Variants in SGCZ observed in about 807,000 individuals in gnomAD.
SGCZ encodes the protein zeta-sarcoglycan.
A neutral mutation model predicts 41.3 loss-of-function variants in SGCZ; 40 were observed. The ratio of observed to expected loss-of-function variants is 0.97; its 90% CI spans 0.75 to 1.26. The LOEUF is 1.26. SGCZ is among the 50% of genes most tolerant of loss of function. The pLI, the probability that SGCZ is intolerant of heterozygous loss-of-function variation, is 0.00. For synonymous variants in SGCZ, 206 were observed against 137.5 expected (o/e 1.50, Z -3.49); for missense variants, 552 against 369.8 (o/e 1.49, Z -4.04).
intron 1 of SGCZ, among the ~76,000 whole-genome samples, chr8:15,130,407 G>A (rs968781170): frequency 2.0e-5 from 3 of 152,158 alleles, no homozygotes; most frequent in Non-Finnish European, 4.4e-5. Context: ...AAAAAGAAAT[G>A]CAAATGAGAA....
At chr8:15,140,489 G>A (rs912342343) in intron 1 of SGCZ, among the ~76,000 whole-genome samples, 6 of 151,954 alleles carry the variant, frequency 3.9e-5, no homozygotes, top group Admixed American at 2.0e-4. Context: ...ACCCTCTTGA[G>A]GATGGAGATA....
intron 1 of SGCZ, among the ~76,000 whole-genome samples, chr8:14,588,242 G>A (rs1805125042): frequency 6.6e-6 from 1 of 150,550 alleles, no homozygotes; most frequent in African/African-American, 2.4e-5. Flanking sequence ...AAAAGTCCCA[G>A]TCTGTCTTTA....
intron 2 of SGCZ, among the ~76,000 whole-genome samples, chr8:14,421,997 T>C (rs1485488157): frequency 6.6e-6 from 1 of 152,114 alleles, no homozygotes; most frequent in Non-Finnish European, 1.5e-5. Context: ...TTTTTTATAT[T>C]AGCGAAGTCT....
chr8:14,362,496 A>C (rs547740835), intron 2 of SGCZ, among the ~76,000 whole-genome samples: 3,108 of 152,298 alleles, frequency 0.02, 89 homozygotes, highest in African/African-American at 0.058. Context: ...GTGGGACCCA[A>C]AAGCCAGGCA....
intron 2 of SGCZ, among the ~76,000 whole-genome samples, chr8:14,514,058 G>T (rs111777306): frequency 5.9e-5 from 9 of 152,058 alleles, no homozygotes; most frequent in African/African-American, 1.7e-4. Flanking sequence ...CACTGTAGGA[G>T]TTGCATTGGT....
chr8:14,837,505 C>T (rs183990153), intron 1 of SGCZ, among the ~76,000 whole-genome samples: 2 of 152,092 alleles, frequency 1.3e-5, no homozygotes, highest in Non-Finnish European at 2.9e-5. Flanking sequence ...TCCCAACTCC[C>T]GTTGCATCAG....
intron 1 of SGCZ, among the ~76,000 whole-genome samples, chr8:14,775,796 T>C (rs1484140539): frequency 5.3e-5 from 8 of 152,224 alleles, no homozygotes; most frequent in Non-Finnish European, 1.2e-4. Context: ...TATTGAGTTT[T>C]ATTTGGATTG....
intron 2 of SGCZ, among the ~76,000 whole-genome samples, chr8:14,329,722 C>G (rs892421924): frequency 2.6e-5 from 4 of 152,132 alleles, no homozygotes; most frequent in Non-Finnish European, 5.9e-5. Flanking sequence ...TATTATAAAA[C>G]AGACTCTTCC....
intron 3 of SGCZ, among the ~76,000 whole-genome samples, chr8:14,292,794 C>T (rs1217831754): frequency 1.3e-5 from 2 of 151,376 alleles, no homozygotes; most frequent in Non-Finnish European, 2.9e-5. Context: ...CTAGGCTTTT[C>T]TGAGAATTAC....
intron 1 of SGCZ, among the ~76,000 whole-genome samples, chr8:14,642,496 T>C (rs183147679): frequency 2.1e-3 from 324 of 151,418 alleles, no homozygotes; most frequent in African/African-American, 7.6e-3. Flanking sequence ...TAAGTTACAA[T>C]ATGTAAGGTA....
intron 2 of SGCZ, among the ~76,000 whole-genome samples, chr8:14,518,330 G>T (rs1488571746): frequency 6.6e-6 from 1 of 151,928 alleles, no homozygotes; most frequent in Admixed American, 6.6e-5. Flanking sequence ...ATCTTACATT[G>T]TATGCTAGTG....
At chr8:14,242,970 C>G (rs1798944095) in intron 3 of SGCZ, among the ~76,000 whole-genome samples, 1 of 152,216 alleles carries the variant, frequency 6.6e-6, no homozygotes, top group Non-Finnish European at 1.5e-5. Context: ...CACACAAACA[C>G]ATAAAGCTTA....
At chr8:14,920,998 A>C (rs1304600126) in intron 1 of SGCZ, among the ~76,000 whole-genome samples, 1 of 152,196 alleles carries the variant, frequency 6.6e-6, no homozygotes, top group African/African-American at 2.4e-5. Context: ...ACCCAAGATC[A>C]CAGTAGTGTA....
intron 1 of SGCZ, among the ~76,000 whole-genome samples, chr8:15,068,485 T>G (rs1006790665): frequency 2.0e-5 from 3 of 152,232 alleles, no homozygotes; most frequent in African/African-American, 7.2e-5. Flanking sequence ...TGAAAACCTG[T>G]GATATAATCC....
intron 2 of SGCZ, among the ~76,000 whole-genome samples, chr8:14,484,010 CA>C (rs1374998349): frequency 1.3e-5 from 2 of 152,158 alleles, no homozygotes; most frequent in East Asian, 3.9e-4. Flanking sequence ...GCAGTTTCTA[CA>C]CCTTAATGAC....
intron 2 of SGCZ, among the ~76,000 whole-genome samples, chr8:14,464,245 G>C (rs1800983804): frequency 6.6e-6 from 1 of 150,934 alleles, no homozygotes; most frequent in South Asian, 2.1e-4. Flanking sequence ...CATCAAATCT[G>C]GGGCTTTTCT....
chr8:14,107,652 T>G (rs753859961), intron 6 of SGCZ, among the ~76,000 whole-genome samples: 1 of 152,138 alleles, frequency 6.6e-6, no homozygotes, highest in Non-Finnish European at 1.5e-5. Flanking sequence ...TTTGTTTTGT[T>G]TTTACAGATG....
intron 1 of SGCZ, among the ~76,000 whole-genome samples, chr8:14,738,021 G>C (rs756802232): frequency 6.6e-6 from 1 of 152,020 alleles, no homozygotes; most frequent in Non-Finnish European, 1.5e-5. Context: ...GTTCACACAG[G>C]TAGTGAGGTA....
chr8:14,158,142 C>T (rs1803933104), intron 5 of SGCZ, among the ~76,000 whole-genome samples: 1 of 151,634 alleles, frequency 6.6e-6, no homozygotes, highest in African/African-American at 2.4e-5. Context: ...GTAAGTGCTT[C>T]TTATAATGGT....
Sources: gnomAD v4.1 joint callset for allele counts (sites outside exome capture counted in the v4.1 genomes callset) on GRCh38, gnomAD v4.1.1 for gene constraint, MANE v1.5 for transcripts, NCBI Gene and HGNC (gene_info 2026-07-23, HGNC 2026-07-21) for gene names.